CACNG8: variants seen among roughly 807,000 people sequenced by gnomAD.
CACNG8 encodes the protein voltage-dependent calcium channel gamma-8 subunit.
A neutral mutation model predicts 26.9 loss-of-function variants in CACNG8; 5 were observed. The ratio of observed to expected loss-of-function variants is 0.19; its 90% CI spans 0.10 to 0.39. CACNG8 has a LOEUF of 0.39. Ranked by LOEUF, CACNG8 falls within the 10% of genes least tolerant of loss-of-function variation. CACNG8 has a pLI of 1.00. For missense variants in CACNG8, 473 were observed against 609.4 expected (o/e 0.78, Z 2.36); for synonymous variants, 321 against 296.7 (o/e 1.08, Z -0.84).
rs1231948130 is a variant in CACNG8, at chr19:53,986,114, A to C, written c.*3265A>C. On this transcript the variant is annotated 3_prime_UTR_variant, in exon 4 of 4. Coordinates refer to ENST00000270458, the MANE Select transcript of CACNG8 (RefSeq NM_031895.6). ...GAGAAGAGGAAGAGGAGAGACTGACAGGTGCACAAATCAGAGAAGTCCCAG... is the reference window on the plus strand; with the variant it reads ...GAGAAGAGGAAGAGGAGAGACTGACCGGTGCACAAATCAGAGAAGTCCCAG... 1 of 152,638 alleles carries C rather than the reference A, an allele frequency of 6.6e-6. No individual in the cohort carries two copies. The highest frequency in any genetic ancestry group is 1.9e-4 in the East Asian group (1 of 5,200). 9.5% of individuals were successfully genotyped at this position (152,638 alleles called of 1,614,324 possible).
At chr19:53,973,400 G>A (rs561985352) in intron 1 of CACNG8, among the ~76,000 whole-genome samples, 4 of 152,114 alleles carry the variant, frequency 2.6e-5, no homozygotes, top group South Asian at 2.1e-4. Flanking sequence ...GCAGGTGCCC[G>A]TAATCCCAGG....
At chr19:53,967,265 A>C (rs2069276852) in intron 1 of CACNG8, among the ~76,000 whole-genome samples, 1 of 152,214 alleles carries the variant, frequency 6.6e-6, no homozygotes, top group Non-Finnish European at 1.5e-5. Context: ...GCCATTCATA[A>C]GATGAAACAG....
At chr19:53,979,113 G>T (rs1356522793) in intron 2 of CACNG8, among the ~76,000 whole-genome samples, 1 of 149,358 alleles carries the variant, frequency 6.7e-6, no homozygotes, top group Non-Finnish European at 1.5e-5. Context: ...AAAAAGTTGT[G>T]GGTGGGGGTG....
Position 53,987,542 on chromosome 19 carries a change from G to C in CACNG8, c.*4693G>C, listed in dbSNP as rs2069414827. 1 of 152,444 alleles carries C rather than the reference G, an allele frequency of 6.6e-6. No homozygotes were observed. The highest frequency in any genetic ancestry group is 2.4e-5 in the African/African-American group (1 of 41,416). The allele number at this position is 152,444 out of a possible 1,614,324, so 9.4% of individuals were successfully genotyped here. On this transcript the variant is annotated 3_prime_UTR_variant, in exon 4 of 4. Transcript: ENST00000270458. ...ATGGAGGAAGTGGAAGAAGGCATGG[G>C]ATTTTGGAGGCTAGAGCCTGCATTG...
chr19:53,974,259 T>C (rs992601711), intron 1 of CACNG8, among the ~76,000 whole-genome samples: 23 of 152,232 alleles, frequency 1.5e-4, no homozygotes, highest in African/African-American at 5.5e-4. Context: ...CTTCAAGGTT[T>C]ATCTATGTTT....
Position 53,983,795 on chromosome 19 carries a change from G to A in CACNG8, c.*946G>A, listed in dbSNP as rs2069390668. 1 of 152,710 alleles carries A rather than the reference G, an allele frequency of 6.5e-6. No individual in the cohort carries two copies. The highest frequency in any genetic ancestry group is 1.5e-5 in the Non-Finnish European group (1 of 68,382). The allele number at this position is 152,710 out of a possible 1,614,324, so 9.5% of individuals were successfully genotyped here. A position where few individuals can be genotyped will look rare whatever the true frequency, so the allele number is the denominator to read the frequency against. On this transcript the variant is annotated 3_prime_UTR_variant, in exon 4 of 4. Coordinates refer to ENST00000270458, the MANE Select transcript of CACNG8 (RefSeq NM_031895.6). ...GGCAGGCAGAGCAGCACGTGCAAAG[G>A]CCCCGGGGCAGGAAGGAGCTTGCAG...
Position 53,984,667 on chromosome 19 carries a change from G to A in CACNG8, c.*1818G>A, listed in dbSNP as rs2145944168. Reference sequence around the variant, plus strand: ...CAAGCTAGAGTGTAAAGGTACCAGGGTGGCCGGGCGCGGTGGCTCATGCCT... The same window carrying A: ...CAAGCTAGAGTGTAAAGGTACCAGGATGGCCGGGCGCGGTGGCTCATGCCT... On this transcript the variant is annotated 3_prime_UTR_variant, in exon 4 of 4. Transcript: ENST00000270458. The A allele has an allele frequency of 6.6e-6, 1 of 152,566 alleles. No individual in the cohort carries two copies. The highest frequency in any genetic ancestry group is 2.1e-4 in the South Asian group (1 of 4,824). 9.5% of individuals were successfully genotyped at this position (152,566 alleles called of 1,614,324 possible).
chr19:53,969,857 C>T (rs113098972), intron 1 of CACNG8, among the ~76,000 whole-genome samples: 2,459 of 152,256 alleles, frequency 0.016, 72 homozygotes, highest in African/African-American at 0.055. Flanking sequence ...TTCAGCTGGG[C>T]GCGGTGGCTC....
In CACNG8 at chr19:53,973,172, A is replaced by T. The variant is rs185117958; in HGVS notation, c.284-4974A>T. ...GGTGTGCCATGTGGTTTACATGCTCAGTCTCATTTAATCATCACGAATATT... is the reference window on the plus strand; with the variant it reads ...GGTGTGCCATGTGGTTTACATGCTCTGTCTCATTTAATCATCACGAATATT... On this transcript the variant is annotated intron_variant, in intron 1 of 3. Transcript: ENST00000270458. Among the ~76,000 whole-genome samples the T allele has an allele frequency of 7.9e-5, 12 of 152,344 alleles. No homozygotes were observed. In the East Asian group the frequency reaches 2.3e-3, roughly 29 times the overall value.
chr19:53,975,880 C>T (rs972341154), intron 1 of CACNG8, among the ~76,000 whole-genome samples: 18 of 152,204 alleles, frequency 1.2e-4, no homozygotes, highest in African/African-American at 4.1e-4. Flanking sequence ...GGGTGCTATA[C>T]ATCAGCTGCT....
Position 53,979,994 on chromosome 19 carries a change from G to A in CACNG8, c.495G>A (p.Leu165=). 6.2e-7 allele frequency: 1 copy of A among 1,609,826 alleles called. No homozygotes were observed. Among genetic ancestry groups the A allele is most frequent in the Non-Finnish European group, 8.5e-7 (1 of 1,178,224 alleles). Residue 165 remains leucine, a synonymous_variant, in exon 3 of 4, where the codon CTG becomes CTA. Transcript: ENST00000270458. ...ACATCATTCTGGGCGCAGGGATCCTGTTCGTGGCAGCAGGTGAGAGGCAGA... is the reference window on the plus strand; with the variant it reads ...ACATCATTCTGGGCGCAGGGATCCTATTCGTGGCAGCAGGTGAGAGGCAGA...
chr19:53,980,081 TGTGTGCGCGCGCGCGCGTGA>T (rs2069355995), intron 3 of CACNG8, 74 bp downstream of exon 3: 1 of 1,230,108 alleles, frequency 8.1e-7, no homozygotes, highest in African/African-American at 1.5e-5. Flanking sequence ...TGTGTGTGTG[TGTGTGCGCGCGCGCGCGTGA>T]GTGCAAGTGC....
chr19:53,964,708 C>T (rs2069262619), intron 1 of CACNG8, among the ~76,000 whole-genome samples: 1 of 152,150 alleles, frequency 6.6e-6, no homozygotes, highest in South Asian at 2.1e-4. Flanking sequence ...GTGCCAACCC[C>T]TTCTCTCTCC....
intron 1 of CACNG8, among the ~76,000 whole-genome samples, chr19:53,971,408 T>C (rs890477045): frequency 2.0e-5 from 3 of 152,118 alleles, no homozygotes; most frequent in Non-Finnish European, 4.4e-5. Context: ...AATATAAAAA[T>C]TATTAATGAA....
chr19:53,981,210 C>T (rs761479043), intron 3 of CACNG8, among the ~76,000 whole-genome samples: 2 of 152,120 alleles, frequency 1.3e-5, no homozygotes, highest in South Asian at 4.2e-4. Context: ...AGGATGACAT[C>T]ATTAACAGAG....
rs2069404212 is a variant in CACNG8, at chr19:53,985,859, A to T, written c.*3010A>T. ...TCAAAAAAAAAAAAAAAATTGAGAG[A>T]CAGCAAATATTTGCTGGAAGAGGGA... On this transcript the variant is annotated 3_prime_UTR_variant, in exon 4 of 4. Transcript: ENST00000270458. 6.6e-6 allele frequency: 1 copy of T among 151,340 alleles called. No individual in the cohort carries two copies. Among genetic ancestry groups the T allele is most frequent in the Non-Finnish European group, 1.5e-5 (1 of 68,026 alleles). The allele number at this position is 151,340 out of a possible 1,614,324, so 9.4% of individuals were successfully genotyped here.
chr19:53,982,971 C>A lies in CACNG8; in HGVS notation c.*122C>A, dbSNP rs1319509656. 3.7e-6 allele frequency: 2 copies of A among 534,398 alleles called. No individual in the cohort carries two copies. The highest frequency in any genetic ancestry group is 4.1e-5 in the African/African-American group (2 of 49,200). The allele number at this position is 534,398 out of a possible 1,614,324, so 33.1% of individuals were successfully genotyped here. A position where few individuals can be genotyped will look rare whatever the true frequency, so the allele number is the denominator to read the frequency against. ...GTGAGCGCGCTGGAGACTGCTGGGC[C>A]CGCCCCACGCCCACCCTCCCCGCCC... is the stretch of plus-strand genomic sequence containing the variant. On this transcript the variant is annotated 3_prime_UTR_variant, in exon 4 of 4. Coordinates refer to ENST00000270458, the MANE Select transcript of CACNG8 (RefSeq NM_031895.6). This position sits in a 1 kb window ranked among gnomAD's most constrained non-coding sequence, Gnocchi z 8.4.
At chr19:53,966,081 T>A (rs1405671404) in intron 1 of CACNG8, among the ~76,000 whole-genome samples, 4 of 119,574 alleles carry the variant, frequency 3.3e-5, no homozygotes, top group East Asian at 4.1e-4. Context: ...TTTTTAAAAA[T>A]TATTTATTTA....
At chr19:53,978,284 AGGCGTC>A in intron 2 of CACNG8, 55 bp downstream of exon 2, 1 of 1,464,632 alleles carries the variant, frequency 6.8e-7, no homozygotes, top group East Asian at 2.3e-5. Flanking sequence ...GGGGCCTGGA[AGGCGTC>A]GGGGTGGGTG....
Sources: gnomAD v4.1 joint callset for allele counts (sites outside exome capture counted in the v4.1 genomes callset) on GRCh38, gnomAD v4.1.1 for gene constraint, Gnocchi (gnomAD v3.1) non-coding constraint, MANE v1.5 for transcripts, NCBI Gene and HGNC (gene_info 2026-07-23, HGNC 2026-07-21) for gene names.